Variants in PDE4D observed in about 807,000 individuals in gnomAD.
The protein encoded by PDE4D is phosphodiesterase 4D, also known as 3',5'-cyclic-AMP phosphodiesterase 4D.
Under a neutral mutation model 87.4 loss-of-function variants are expected in PDE4D, and 24 were observed. The observed-to-expected ratio is 0.27, with a 90% confidence interval of 0.20 to 0.39. The LOEUF (loss-of-function observed/expected upper bound fraction) is 0.39, where lower values mean the gene tolerates loss of function less well. Among genes scored for constraint, PDE4D ranks in the 10% least tolerant of loss-of-function variants. The probability of loss-of-function intolerance (pLI) is 1.00; values close to 1 mark genes in which losing one functional copy is unlikely to be tolerated. For synonymous variants in PDE4D, 384 were observed against 383.2 expected (o/e 1.00, Z -0.02); for missense variants, 714 against 1,041.0 (o/e 0.69, Z 4.32).
At chr5:60,372,717 G>A (rs1380656795) in intron 1 of PDE4D, 4 of 152,156 alleles carry the variant, frequency 2.6e-5, no homozygotes, top group Non-Finnish European at 4.4e-5. Flanking sequence ...GTGTGACCAA[G>A]TACAAGTTAC....
intron 1 of PDE4D, among the ~76,000 whole-genome samples, chr5:59,402,253 T>G (rs1790774488): frequency 6.6e-6 from 1 of 152,220 alleles, no homozygotes; most frequent in African/African-American, 2.4e-5. Context: ...ATCCTAATTA[T>G]TTTCCATAAG....
chr5:60,517,177 C>G (rs77515968), intron 1 of PDE4D, among the ~76,000 whole-genome samples: 1 of 152,228 alleles, frequency 6.6e-6, no homozygotes, highest in Non-Finnish European at 1.5e-5. Flanking sequence ...GACACACCAG[C>G]CCCCTGTTGC....
At chr5:59,674,832 G>A (rs554554077) in intron 1 of PDE4D, among the ~76,000 whole-genome samples, 1 of 152,264 alleles carries the variant, frequency 6.6e-6, no homozygotes, top group East Asian at 1.9e-4. Context: ...TTTGAAACAG[G>A]TGCTTTTGGC....
intron 1 of PDE4D, among the ~76,000 whole-genome samples, chr5:60,227,042 A>G (rs1252625924): frequency 1.3e-5 from 2 of 152,094 alleles, no homozygotes; most frequent in East Asian, 3.9e-4. Context: ...CAGAGGGAAA[A>G]ATATACAAAC....
intron 1 of PDE4D, among the ~76,000 whole-genome samples, chr5:59,767,255 T>C (rs1202387065): frequency 2.6e-5 from 4 of 152,194 alleles, no homozygotes; most frequent in Non-Finnish European, 2.9e-5. Flanking sequence ...ACACTCATTC[T>C]TTTTTGTTAT....
At chr5:59,282,412 G>A (rs571095722) in intron 1 of PDE4D, among the ~76,000 whole-genome samples, 99 of 151,924 alleles carry the variant, frequency 6.5e-4, no homozygotes, top group Non-Finnish European at 1.1e-3. Flanking sequence ...AGGCCGAGAC[G>A]GGTGGATCAC....
chr5:60,071,701 C>T (rs533787785), intron 2 of PDE4D, among the ~76,000 whole-genome samples: 11 of 151,970 alleles, frequency 7.2e-5, no homozygotes, highest in Non-Finnish European at 1.0e-4. Context: ...AGTTGCTAAG[C>T]CTAGTTTCCA....
intron 2 of PDE4D, among the ~76,000 whole-genome samples, chr5:60,037,643 G>T (rs1767958577): frequency 1.3e-5 from 2 of 152,160 alleles, no homozygotes; most frequent in Admixed American, 1.3e-4. Flanking sequence ...GAAGACAGGT[G>T]ATTCTAAAAA....
chr5:60,332,328 C>T (rs1301125328), intron 1 of PDE4D, among the ~76,000 whole-genome samples: 1 of 152,034 alleles, frequency 6.6e-6, no homozygotes, highest in Non-Finnish European at 1.5e-5. Context: ...TAGCCCTTGC[C>T]CCCCTCCCTC....
chr5:59,625,869 A>G (rs1177843167), intron 1 of PDE4D, among the ~76,000 whole-genome samples: 1 of 152,194 alleles, frequency 6.6e-6, no homozygotes, highest in African/African-American at 2.4e-5. Flanking sequence ...TCACAAGATC[A>G]GGAGATTGAG....
chr5:59,536,429 C>T (rs779189169), intron 1 of PDE4D, among the ~76,000 whole-genome samples: 41 of 140,390 alleles, frequency 2.9e-4, no homozygotes, highest in Non-Finnish European at 5.4e-4. Context: ...GGCGTGAACC[C>T]GGGAGGCGGA....
At chr5:59,308,990 C>T (rs1460162147) in intron 1 of PDE4D, among the ~76,000 whole-genome samples, 2 of 152,026 alleles carry the variant, frequency 1.3e-5, no homozygotes, top group African/African-American at 4.8e-5. Context: ...ATTATGGCTT[C>T]CTCTGCTGAG....
intron 1 of PDE4D, among the ~76,000 whole-genome samples, chr5:60,218,761 A>G (rs1000028484): frequency 2.0e-5 from 3 of 152,064 alleles, no homozygotes; most frequent in African/African-American, 4.8e-5. Context: ...AGCAGAAATG[A>G]TTTACATATG....
At chr5:60,382,310 A>G (rs1761917226) in intron 1 of PDE4D, among the ~76,000 whole-genome samples, 1 of 152,138 alleles carries the variant, frequency 6.6e-6, no homozygotes, top group African/African-American at 2.4e-5. Flanking sequence ...CTATATGTTT[A>G]TTTGCGGTTT....
intron 1 of PDE4D, among the ~76,000 whole-genome samples, chr5:59,748,807 A>G (rs1259009195): frequency 6.6e-6 from 1 of 152,158 alleles, no homozygotes; most frequent in Non-Finnish European, 1.5e-5. Flanking sequence ...GTATTAAAAC[A>G]ACAACAAAAA....
chr5:59,368,071 G>C (rs1783364415), intron 1 of PDE4D, among the ~76,000 whole-genome samples: 2 of 152,232 alleles, frequency 1.3e-5, no homozygotes, highest in African/African-American at 4.8e-5. Context: ...GCTTTCATCA[G>C]CTGAGGATTA....
intron 1 of PDE4D, among the ~76,000 whole-genome samples, chr5:60,416,489 G>A (rs902239514): frequency 1.3e-5 from 2 of 152,122 alleles, no homozygotes; most frequent in Non-Finnish European, 1.5e-5. Flanking sequence ...CCACTGGGAG[G>A]AACGAACAAC....
At chr5:59,022,993 G>C (rs1319173674) in intron 6 of PDE4D, among the ~76,000 whole-genome samples, 1 of 152,098 alleles carries the variant, frequency 6.6e-6, no homozygotes, top group Middle Eastern at 3.2e-3. Context: ...GGCCAACATA[G>C]TGAAACCCTG....
At chr5:60,480,756 A>T (rs1748669095) in intron 1 of PDE4D, among the ~76,000 whole-genome samples, 1 of 152,180 alleles carries the variant, frequency 6.6e-6, no homozygotes, top group African/African-American at 2.4e-5. Flanking sequence ...TACTTAAAAT[A>T]TCTATTAAAT....
Sources: allele counts gnomAD v4.1 joint callset (sites outside exome capture counted in the v4.1 genomes callset), GRCh38; gene constraint gnomAD v4.1.1; transcripts MANE v1.5; gene names NCBI Gene and HGNC (gene_info 2026-07-23, HGNC 2026-07-21).